C12orf42: variants seen among roughly 807,000 people sequenced by gnomAD.
C12orf42 encodes chromosome 12 open reading frame 42.
C12orf42 carries 25 observed loss-of-function variants against 21.6 expected under a neutral mutation model. The ratio of observed to expected loss-of-function variants is 1.16; its 90% CI spans 0.84 to 1.62. The LOEUF is 1.62. Among genes scored for constraint, C12orf42 ranks in the 40% most tolerant of loss-of-function variants. The probability of loss-of-function intolerance (pLI) is 0.00; values close to 1 mark genes in which losing one functional copy is unlikely to be tolerated. For missense variants in C12orf42, 483 were observed against 459.3 expected (o/e 1.05, Z -0.47); for synonymous variants, 174 against 175.0 (o/e 0.99, Z 0.05).
the C12orf42 span, among the ~76,000 whole-genome samples, chr12:103,065,106 A>G: frequency 6.6e-6 from 1 of 152,196 alleles, no homozygotes; most frequent in Non-Finnish European, 1.5e-5. Context: ...CAAAAACAGT[A>G]TTGGATCCCT....
At chr12:103,295,431 A>G (rs1313740180) in intron 4 of C12orf42, among the ~76,000 whole-genome samples, 2 of 151,756 alleles carry the variant, frequency 1.3e-5, no homozygotes, top group South Asian at 4.1e-4. Flanking sequence ...TTTTTAACAT[A>G]TAACTTGCTT....
chr12:103,320,021 C>T (rs1413177483), intron 4 of C12orf42, among the ~76,000 whole-genome samples: 2 of 152,126 alleles, frequency 1.3e-5, no homozygotes, highest in Non-Finnish European at 2.9e-5. Flanking sequence ...GTGCAAAGGT[C>T]ACCGGTATGG....
chr12:103,525,461 A>G, the C12orf42 span, among the ~76,000 whole-genome samples: 1 of 152,152 alleles, frequency 6.6e-6, no homozygotes, highest in South Asian at 2.1e-4. Context: ...TTATTTGTGG[A>G]TGATGTGATG....
the C12orf42 span, among the ~76,000 whole-genome samples, chr12:103,084,060 G>A: frequency 6.6e-6 from 1 of 152,132 alleles, no homozygotes; most frequent in Non-Finnish European, 1.5e-5. Flanking sequence ...TTTTTAAGAT[G>A]CACTTCCTTA....
the C12orf42 span, among the ~76,000 whole-genome samples, chr12:103,219,595 G>A: frequency 6.6e-6 from 1 of 152,146 alleles, no homozygotes; most frequent in African/African-American, 2.4e-5. Flanking sequence ...CAAAAAGTGG[G>A]CAAAGGATAT....
At chr12:103,457,843 C>G (rs1021141121) in intron 2 of C12orf42, among the ~76,000 whole-genome samples, 1 of 151,942 alleles carries the variant, frequency 6.6e-6, no homozygotes, top group Non-Finnish European at 1.5e-5. Context: ...TATATTCCAA[C>G]CTTTTTAAAA....
At chr12:103,201,829 C>T in the C12orf42 span, among the ~76,000 whole-genome samples, 1 of 152,034 alleles carries the variant, frequency 6.6e-6, no homozygotes, top group Non-Finnish European at 1.5e-5. Context: ...GCTTTATGAC[C>T]CATTTTGAAG....
downstream of C12orf42, among the ~76,000 whole-genome samples, chr12:103,264,106 A>G (rs1348265976): frequency 1.3e-5 from 2 of 152,048 alleles, no homozygotes; most frequent in Admixed American, 6.6e-5. Flanking sequence ...TATCTTGGAC[A>G]TATATTTACT....
chr12:103,146,811 A>G, the C12orf42 span, among the ~76,000 whole-genome samples: 1 of 152,194 alleles, frequency 6.6e-6, no homozygotes, highest in African/African-American at 2.4e-5. Context: ...TTTTTCCCCA[A>G]AGATTATCTA....
chr12:103,074,664 G>T, the C12orf42 span, among the ~76,000 whole-genome samples: 1 of 152,182 alleles, frequency 6.6e-6, no homozygotes, highest in African/African-American at 2.4e-5. Context: ...GCCCTGGAAT[G>T]AAAGTAGATA....
chr12:103,367,073 G>A (rs796387791), intron 4 of C12orf42, among the ~76,000 whole-genome samples: 4 of 151,918 alleles, frequency 2.6e-5, no homozygotes, highest in African/African-American at 9.6e-5. Context: ...ATCAACGGGT[G>A]GATAAACCGT....
At chr12:103,382,573 T>C (rs1315735909) in intron 3 of C12orf42, among the ~76,000 whole-genome samples, 1 of 152,180 alleles carries the variant, frequency 6.6e-6, no homozygotes, top group African/African-American at 2.4e-5. Flanking sequence ...TAGATGTACA[T>C]CTCCATGGCA....
the C12orf42 span, among the ~76,000 whole-genome samples, chr12:103,166,299 A>G: frequency 6.6e-6 from 1 of 152,176 alleles, no homozygotes; most frequent in African/African-American, 2.4e-5. Context: ...GAGATAATAG[A>G]GGAATAATTT....
intron 2 of C12orf42, among the ~76,000 whole-genome samples, chr12:103,460,351 T>C (rs922483430): frequency 2.0e-5 from 3 of 151,762 alleles, no homozygotes; most frequent in Middle Eastern, 3.5e-3. Flanking sequence ...GGTCGGCACA[T>C]GGTAATTATC....
chr12:103,392,252 A>G (rs2047146711), intron 3 of C12orf42, among the ~76,000 whole-genome samples: 1 of 152,186 alleles, frequency 6.6e-6, no homozygotes, highest in Admixed American at 6.5e-5. Flanking sequence ...TAAAATCAGG[A>G]GTATGAACAT....
chr12:103,383,618 TAAC>T (rs1284559308), intron 3 of C12orf42, among the ~76,000 whole-genome samples: 2 of 152,150 alleles, frequency 1.3e-5, no homozygotes, highest in Admixed American at 1.3e-4. Flanking sequence ...CATCATATAA[TAAC>T]AACTAATACA....
chr12:103,079,709 G>T, the C12orf42 span, among the ~76,000 whole-genome samples: 1 of 152,136 alleles, frequency 6.6e-6, no homozygotes, highest in African/African-American at 2.4e-5. Context: ...AGGAAGCTTT[G>T]CTTATCATAG....
At chr12:103,478,150 GA>G (rs11406758) in intron 2 of C12orf42, 198 bp downstream of exon 2, 8 of 495,080 alleles carry the variant, frequency 1.6e-5, no homozygotes, top group South Asian at 2.7e-5. Flanking sequence ...CTAATAGTGG[GA>G]AAAAAATAAT....
the C12orf42 span, among the ~76,000 whole-genome samples, chr12:103,219,219 G>A: frequency 6.5e-4 from 99 of 152,300 alleles, 1 homozygote; most frequent in African/African-American, 2.3e-3. Flanking sequence ...GCAGAAAACT[G>A]AAACTGGACC....
Sources: allele counts gnomAD v4.1 joint callset (sites outside exome capture counted in the v4.1 genomes callset), GRCh38; gene constraint gnomAD v4.1.1; transcripts MANE v1.5; gene names NCBI Gene and HGNC (gene_info 2026-07-23, HGNC 2026-07-21).